Variants in TBK1 observed in about 807,000 individuals in gnomAD.
The protein encoded by TBK1 is serine/threonine-protein kinase TBK1.
A neutral mutation model predicts 99.9 loss-of-function variants in TBK1; 37 were observed. That is an observed-to-expected ratio of 0.37 (90% CI 0.28 to 0.49). The LOEUF (loss-of-function observed/expected upper bound fraction) is 0.49. Ranked by LOEUF, TBK1 falls within the 20% of genes least tolerant of loss-of-function variation. The pLI, the probability that TBK1 is intolerant of heterozygous loss-of-function variation, is 0.98. For missense variants in TBK1, 644 were observed against 872.5 expected (o/e 0.74, Z 3.30); for synonymous variants, 258 against 279.8 (o/e 0.92, Z 0.78).
At position 64,497,629 on chromosome 12, in the gene TBK1, T is replaced by C. The variant is rs745526937; in HGVS notation, c.1960-19T>C. 7 of 1,449,428 alleles carry C rather than the reference T, an allele frequency of 4.8e-6. No homozygotes were observed. In the South Asian group the frequency reaches 9.4e-5, roughly 19 times the overall value. 89.8% of individuals were successfully genotyped at this position (1,449,428 alleles called of 1,614,324 possible). On this transcript the variant is annotated intron_variant, in intron 18 of 20. Transcript: ENST00000331710. ...TAATGTGGGGTTTTTTTCTTTTTTT[T>C]TTTTTTTTGATGTTTCAGTTACAAG...
chr12:64,464,288 AATTT>A (rs1323864199), intron 3 of TBK1, 42 bp from the exon 4 acceptor site: 2 of 1,505,406 alleles, frequency 1.3e-6, no homozygotes, highest in Non-Finnish European at 1.8e-6. Context: ...ATATAATCAA[AATTT>A]ATTTTTTATG....
At position 64,460,218 on chromosome 12, in the gene TBK1, A is replaced by G. The variant is rs1330096136; in HGVS notation, c.117A>G (p.Val39=). The stretch of plus-strand genomic sequence containing the variant: ...CTGGTGATTTATTTGCTATCAAAGT[A>G]TTTAATAACATAAGCTTCCTTCGTC... ...KKTGDLFAIK[V]FNNISFLRPV... is the part of the protein sequence containing the mutation. The change falls in exon 3 of 21, where the codon GTA becomes GTG. Residue 39 remains valine (V), a synonymous_variant. Transcript: ENST00000331710. The G allele has an allele frequency of 4.5e-6, 7 of 1,551,054 alleles. No homozygotes were observed. The highest frequency in any genetic ancestry group is 6.1e-6 in the Non-Finnish European group (7 of 1,145,554).
chr12:64,459,462 G>A (rs948218681), intron 2 of TBK1, among the ~76,000 whole-genome samples: 12 of 152,186 alleles, frequency 7.9e-5, no homozygotes, highest in African/African-American at 2.9e-4. Flanking sequence ...GTGTGATGTA[G>A]GTCATGAAAG....
At chr12:64,497,923 A>G (rs1273290761) in intron 19 of TBK1, 45 bp from the exon 20 acceptor site, 4 of 1,552,272 alleles carry the variant, frequency 2.6e-6, no homozygotes, top group Non-Finnish European at 1.8e-6. Context: ...ATTCTAAAAC[A>G]TTTGCATACT....
At chr12:64,459,414 G>T (rs1320814528) in intron 2 of TBK1, among the ~76,000 whole-genome samples, 1 of 152,222 alleles carries the variant, frequency 6.6e-6, no homozygotes, top group African/African-American at 2.4e-5. Flanking sequence ...GAACCTCTAA[G>T]ATTCCCTCCC....
intron 5 of TBK1, among the ~76,000 whole-genome samples, chr12:64,469,175 A>G (rs1000194865): frequency 1.3e-5 from 2 of 152,096 alleles, no homozygotes; most frequent in Non-Finnish European, 2.9e-5. Context: ...AGGGAAGTAC[A>G]GTTGTAATGA....
chr12:64,478,111 A>G (rs975690082), intron 6 of TBK1, among the ~76,000 whole-genome samples: 28 of 152,288 alleles, frequency 1.8e-4, no homozygotes, highest in Middle Eastern at 3.4e-3. Flanking sequence ...AGGTCTTAAC[A>G]TATTTCTCAG....
At chr12:64,498,786 T>A (rs1241586195) in intron 20 of TBK1, among the ~76,000 whole-genome samples, 1 of 151,946 alleles carries the variant, frequency 6.6e-6, no homozygotes, top group Non-Finnish European at 1.5e-5. Flanking sequence ...CAAAACCCTG[T>A]CTCTACCAAA....
chr12:64,456,027 C>T (rs970613414), intron 2 of TBK1, 70 bp downstream of exon 2: 10 of 1,100,058 alleles, frequency 9.1e-6, no homozygotes, highest in Non-Finnish European at 1.3e-5. Flanking sequence ...CATGTTGACA[C>T]TAAAGTGTGT....
intron 2 of TBK1, among the ~76,000 whole-genome samples, chr12:64,456,774 G>A (rs528155839): frequency 1.4e-4 from 21 of 151,700 alleles, no homozygotes; most frequent in Non-Finnish European, 2.2e-4. Flanking sequence ...CCCAGGAGGC[G>A]GAGGCTGCAG....
chr12:64,500,415 C>T (rs1474052180), intron 20 of TBK1, among the ~76,000 whole-genome samples: 1 of 152,060 alleles, frequency 6.6e-6, no homozygotes, highest in Non-Finnish European at 1.5e-5. Flanking sequence ...CCCTCGTCAC[C>T]CTCATTCAGA....
At chr12:64,476,673 A>C (rs1276575121) in intron 6 of TBK1, among the ~76,000 whole-genome samples, 1 of 152,114 alleles carries the variant, frequency 6.6e-6, no homozygotes, top group Non-Finnish European at 1.5e-5. Flanking sequence ...CTTTAGTTTA[A>C]TTAAGTCTCC....
At chr12:64,490,228 G>C in intron 13 of TBK1, 109 bp downstream of exon 13, 1 of 647,872 alleles carries the variant, frequency 1.5e-6, no homozygotes, top group South Asian at 2.6e-5. Flanking sequence ...CACACCTAGA[G>C]TCGCAACTAC....
intron 8 of TBK1, among the ~76,000 whole-genome samples, chr12:64,482,490 G>C (rs1158734540): frequency 6.6e-6 from 1 of 151,912 alleles, no homozygotes; most frequent in Admixed American, 6.6e-5. Context: ...AAAATAATCA[G>C]TGTTTGTTTT....
In TBK1 at chr12:64,488,539, G is replaced by A; in HGVS notation, c.1393G>A (p.Val465Met). The A allele has an allele frequency of 6.2e-7, 1 of 1,605,364 alleles. No homozygotes were observed. Among genetic ancestry groups the A allele is most frequent in the Non-Finnish European group, 8.5e-7 (1 of 1,177,046 alleles). Reference protein sequence around the residue: ...NETVHKKTEVVITLDFCIRNI... With the variant: ...NETVHKKTEVMITLDFCIRNI... ...AACTGTTCACAAAAAGACAGAAGTT[G>A]TGATCACATTGGATTTCTGTATCAG... Residue 465 changes from valine to methionine, a missense_variant, in exon 12 of 21, where the codon GTG becomes ATG. Transcript: ENST00000331710.
At chr12:64,492,783 C>T (rs939666003) in intron 13 of TBK1, among the ~76,000 whole-genome samples, 6 of 151,070 alleles carry the variant, frequency 4.0e-5, no homozygotes, top group Admixed American at 1.3e-4. Context: ...AGTGCAATGG[C>T]GTAATCTCGG....
In TBK1 at chr12:64,501,320, T is replaced by C. The variant is rs1250125265; in HGVS notation, c.2139-10T>C. On this transcript the variant is annotated splice_polypyrimidine_tract_variant and intron_variant, in intron 20 of 20. Transcript: ENST00000331710. ...GAGATTACCTTTTTTTCTTTGTGTG[T>C]GTGTTTTAGGTTTGGCTCTTTAACC... 6.2e-7 allele frequency: 1 copy of C among 1,613,822 alleles called. No homozygotes were observed. Among genetic ancestry groups the C allele is most frequent in the African/African-American group, 1.3e-5 (1 of 75,022 alleles).
At chr12:64,497,832 GA>G in intron 19 of TBK1, 78 bp downstream of exon 19, 1 of 1,427,768 alleles carries the variant, frequency 7.0e-7, no homozygotes, top group Non-Finnish European at 9.7e-7. Context: ...CTTACATTTT[GA>G]AATTTTTTAT....
intron 13 of TBK1, among the ~76,000 whole-genome samples, chr12:64,491,559 G>A (rs1485109756): frequency 6.6e-6 from 1 of 152,126 alleles, no homozygotes; most frequent in Non-Finnish European, 1.5e-5. Context: ...GGAGGCGAAC[G>A]TTACAGTGAG....
Sources: gnomAD v4.1 joint callset for allele counts (sites outside exome capture counted in the v4.1 genomes callset) on GRCh38, gnomAD v4.1.1 for gene constraint, MANE v1.5 for transcripts, NCBI Gene and HGNC (gene_info 2026-07-23, HGNC 2026-07-21) for gene names.